Variants in PSEN2 observed in about 807,000 individuals in gnomAD.
PSEN2 encodes the protein presenilin 2, also known as presenilin-2.
A neutral mutation model predicts 49.1 loss-of-function variants in PSEN2; 32 were observed. The ratio of observed to expected loss-of-function variants is 0.65; its 90% confidence interval spans 0.49 to 0.88. The LOEUF (loss-of-function observed/expected upper bound fraction) is 0.88. Among genes scored for constraint, PSEN2 ranks in the 40% least tolerant of loss-of-function variants. The pLI is 0.00. For synonymous variants in PSEN2, 255 were observed against 244.0 expected (o/e 1.05, Z -0.42); for missense variants, 522 against 586.9 (o/e 0.89, Z 1.14).
Position 226,883,877 on chromosome 1 carries a change from C to G in PSEN2, c.314C>G (p.Thr105Ser). ...VTLCMIVVVATIKSVRFYTEK... is the reference protein window; with the variant it reads ...VTLCMIVVVASIKSVRFYTEK... ...CTGTGCATGATCGTGGTGGTAGCCA[C>G]CATCAAGTCTGTGCGCTTCTACACA... Residue 105 changes from threonine to serine, a missense_variant, in exon 5 of 13, where the codon ACC (threonine) becomes AGC (serine). By Grantham distance (58) the Thr-to-Ser change is moderately conservative (BLOSUM62 1). Transcript: ENST00000366783. The G allele has an allele frequency of 6.2e-7, 1 of 1,613,532 alleles. No individual in the cohort carries two copies. The highest frequency in any genetic ancestry group is 1.1e-5 in the South Asian group (1 of 91,052).
chr1:226,895,767 C>T lies in PSEN2; in HGVS notation c.*188C>T, dbSNP rs202067223. On this transcript the variant is annotated 3_prime_UTR_variant, in exon 13 of 13. Coordinates refer to ENST00000366783, the MANE Select transcript of PSEN2 (RefSeq NM_000447.3). ...CAGCTGTTTCATCACCAGACTTTGGCTCCCGCTTTGGGGAGCGCCTCGCTT... is the reference window on the plus strand; with the variant it reads ...CAGCTGTTTCATCACCAGACTTTGGTTCCCGCTTTGGGGAGCGCCTCGCTT... 2 of 709,788 alleles carry T rather than the reference C, an allele frequency of 2.8e-6. No individual in the cohort carries two copies. Among genetic ancestry groups the T allele is most frequent in the Non-Finnish European group, 4.6e-6 (2 of 433,546 alleles). 44.0% of individuals were successfully genotyped at this position (709,788 alleles called of 1,614,324 possible).
At chr1:226,892,975 C>T (rs979715154) in intron 11 of PSEN2, among the ~76,000 whole-genome samples, 2 of 152,222 alleles carry the variant, frequency 1.3e-5, no homozygotes, top group Non-Finnish European at 2.9e-5. Context: ...CTCTGTTGCC[C>T]AGGCTGGAGT....
chr1:226,895,993 G>A lies in PSEN2; in HGVS notation c.*414G>A, dbSNP rs200536369. Reference sequence around the variant, plus strand: ...CCAATGCTTTGTCCATGATGTCCTTGTTATTTTATTGCCTTTAGAAACTGA... The same window carrying A: ...CCAATGCTTTGTCCATGATGTCCTTATTATTTTATTGCCTTTAGAAACTGA... On this transcript the variant is annotated 3_prime_UTR_variant, in exon 13 of 13. Coordinates refer to ENST00000366783, the MANE Select transcript of PSEN2 (RefSeq NM_000447.3). 3.8e-6 allele frequency: 1 copy of A among 264,988 alleles called. No homozygotes were observed. Among genetic ancestry groups the A allele is most frequent in the Admixed American group, 5.0e-5 (1 of 20,026 alleles). 16.4% of individuals were successfully genotyped at this position (264,988 alleles called of 1,614,324 possible).
rs1376143537 is a variant in PSEN2, at chr1:226,888,041, A to C, written c.499-50A>C. ...GTCTCAGGATCCTGGGGGCCTTAGA[A>C]TTTGTGGCGCTTGGGGACACCTTGT... On this transcript the variant is annotated intron_variant, in intron 6 of 12. Transcript: ENST00000366783. The C allele has an allele frequency of 2.7e-6, 4 of 1,494,232 alleles. No homozygotes were observed. The South Asian group carries it at 4.5e-5, about 17-fold the overall frequency. The allele number at this position is 1,494,232 out of a possible 1,614,324, so 92.6% of individuals were successfully genotyped here.
chr1:226,886,941 T>A (rs1286598210), intron 6 of PSEN2, among the ~76,000 whole-genome samples: 6 of 152,036 alleles, frequency 3.9e-5, no homozygotes, highest in African/African-American at 7.3e-5. Context: ...TCTAAAAAAA[T>A]AATAATAAAA....
chr1:226,893,604 A>G (rs3213436), intron 11 of PSEN2, among the ~76,000 whole-genome samples: 31,331 of 152,146 alleles, frequency 0.21, 3,416 homozygotes, highest in South Asian at 0.27. Flanking sequence ...TCTTGGTGTT[A>G]TATGGGCTTT....
downstream of PSEN2, among the ~76,000 whole-genome samples, chr1:226,901,372 G>T (rs1662314491): frequency 6.7e-6 from 1 of 149,358 alleles, no homozygotes. Flanking sequence ...GGAGGCAGAG[G>T]TTGCAGTGAG....
At chr1:226,892,398 G>A (rs1038234659) in intron 11 of PSEN2, among the ~76,000 whole-genome samples, 1 of 152,192 alleles carries the variant, frequency 6.6e-6, no homozygotes. Flanking sequence ...GGAGAGCCTT[G>A]CAAACAGGCC....
At chr1:226,873,835 T>C (rs1048025300) in intron 2 of PSEN2, among the ~76,000 whole-genome samples, 2 of 152,244 alleles carry the variant, frequency 1.3e-5, no homozygotes, top group African/African-American at 4.8e-5. Context: ...TTTTCTGTTA[T>C]GCCTTCAGAA....
At chr1:226,897,950 G>T (rs1662207797), downstream of PSEN2, 1 of 154,654 alleles carries the variant, frequency 6.5e-6, no homozygotes, top group East Asian at 1.9e-4. Context: ...TGTAGCTCCA[G>T]TTCATTTATT....
chr1:226,889,496 C>T (rs1306074724), intron 8 of PSEN2, among the ~76,000 whole-genome samples: 1 of 152,124 alleles, frequency 6.6e-6, no homozygotes, highest in Admixed American at 6.5e-5. Context: ...AGGCTGATCT[C>T]GAACTCCTGA....
At chr1:226,893,377 A>G (rs921898943) in intron 11 of PSEN2, among the ~76,000 whole-genome samples, 3 of 152,214 alleles carry the variant, frequency 2.0e-5, no homozygotes, top group Non-Finnish European at 2.9e-5. Context: ...CTGGAAGGGC[A>G]GGGGAGGTGG....
chr1:226,881,682 G>GC (rs576416545), intron 3 of PSEN2, among the ~76,000 whole-genome samples: 14 of 152,218 alleles, frequency 9.2e-5, no homozygotes, highest in Non-Finnish European at 2.1e-4. Context: ...CCTCAGGCCA[G>GC]CCCCAGGCAA....
chr1:226,881,967 A>C lies in PSEN2; in HGVS notation c.60A>C (p.Leu20=). The C allele has an allele frequency of 1.2e-6, 2 of 1,614,014 alleles. No individual in the cohort carries two copies. Among genetic ancestry groups the C allele is most frequent in the Non-Finnish European group, 1.7e-6 (2 of 1,179,940 alleles). ...AAGTGTGTGATGAGCGGACGTCCCT[A>C]ATGTCGGCTGAGAGCCCCACGCCGC... ...EEEVCDERTS[L]MSAESPTPRS... The change falls in exon 4 of 13, where the codon CTA becomes CTC. Residue 20 remains leucine (L), a synonymous_variant. Transcript: ENST00000366783.
chr1:226,892,179 G>A lies in PSEN2; in HGVS notation c.1072+335G>A, dbSNP rs371542146. 4.5e-4 allele frequency among the ~76,000 whole-genome samples: 68 copies of A among 152,316 alleles called. 1 individual carries two copies. Among genetic ancestry groups the A allele is most frequent in the African/African-American group, 1.5e-3 (62 of 41,580 alleles). ...ATGAAGGGGGCCATGGGGTTGGGGA[G>A]GGGCGGCAGGAGAGCATGCCACGGG... On this transcript the variant is annotated intron_variant, in intron 11 of 12. Coordinates refer to ENST00000366783, the MANE Select transcript of PSEN2 (RefSeq NM_000447.3).
chr1:226,877,381 G>T (rs1343427396), intron 3 of PSEN2, among the ~76,000 whole-genome samples: 1 of 152,220 alleles, frequency 6.6e-6, no homozygotes, highest in Non-Finnish European at 1.5e-5. Context: ...TCAGTACCAT[G>T]GGGAAGAATA....
intron 12 of PSEN2, among the ~76,000 whole-genome samples, chr1:226,902,265 G>A (rs1243193132): frequency 6.6e-6 from 1 of 152,186 alleles, no homozygotes; most frequent in African/African-American, 2.4e-5. Context: ...TTTGACAGGA[G>A]GCGGAGCTCA....
intron 3 of PSEN2, among the ~76,000 whole-genome samples, chr1:226,877,016 C>G (rs1363520817): frequency 6.6e-6 from 1 of 152,118 alleles, no homozygotes; most frequent in African/African-American, 2.4e-5. Context: ...TGACCAGACT[C>G]TAGGTATTCA....
intron 9 of PSEN2, 41 bp from the exon 10 acceptor site, chr1:226,891,237 G>C: frequency 2.5e-6 from 4 of 1,590,434 alleles, no homozygotes; most frequent in Non-Finnish European, 3.4e-6. Context: ...GGCAGCCACT[G>C]TTAGCACCGC....
Sources: allele counts gnomAD v4.1 joint callset (sites outside exome capture counted in the v4.1 genomes callset), GRCh38; gene constraint gnomAD v4.1.1; transcripts MANE v1.5; gene names NCBI Gene and HGNC (gene_info 2026-07-23, HGNC 2026-07-21).